TRAF3: variants seen among roughly 807,000 people sequenced by gnomAD.
TRAF3 encodes the protein TNF receptor associated factor 3, also known as TNF receptor-associated factor 3.
In TRAF3, 13 loss-of-function variants were observed where a neutral mutation model predicts 62.3. The observed-to-expected ratio is 0.21, with a 90% CI of 0.14 to 0.33. The LOEUF is 0.33. Ranked by LOEUF, TRAF3 falls within the 10% of genes least tolerant of loss-of-function variation. The probability of loss-of-function intolerance (pLI) is 1.00; values close to 1 mark genes in which losing one functional copy is unlikely to be tolerated. For synonymous variants in TRAF3, 269 were observed against 283.4 expected, an observed-to-expected ratio of 0.95 and a Z score of 0.51; for missense variants, 440 against 741.8, an observed-to-expected ratio of 0.59 and a Z score of 4.73.
At position 102,907,995 on chromosome 14, in the gene TRAF3, G is replaced by A. The variant is rs967719045; in HGVS notation, c.*2211G>A. ...AGGCCTGTCCCCTACCTGCCCTCAG[G>A]TAGTTTTCCTGAGGCCAGGGGTTAA... On this transcript the variant is annotated 3_prime_UTR_variant, in exon 12 of 12. Transcript: ENST00000392745. 13 of 152,380 alleles carry A rather than the reference G, an allele frequency of 8.5e-5. No individual in the cohort carries two copies. Among genetic ancestry groups the A allele is most frequent in the Middle Eastern group, 3.4e-3 (1 of 294 alleles). 9.4% of individuals were successfully genotyped at this position (152,380 alleles called of 1,614,324 possible).
intron 6 of TRAF3, among the ~76,000 whole-genome samples, chr14:102,878,540 G>T (rs775766629): frequency 6.6e-6 from 1 of 152,142 alleles, no homozygotes; most frequent in Non-Finnish European, 1.5e-5. Flanking sequence ...CCTACTGTGC[G>T]CCGGGCAGTA....
intron 2 of TRAF3, among the ~76,000 whole-genome samples, chr14:102,866,784 G>A (rs139228291): frequency 6.6e-6 from 1 of 151,520 alleles, no homozygotes; most frequent in East Asian, 1.9e-4. Flanking sequence ...GGTCGAGGCT[G>A]CAGTGAGCCA....
chr14:102,856,994 C>CA (rs1887410992), intron 2 of TRAF3, among the ~76,000 whole-genome samples: 1 of 152,180 alleles, frequency 6.6e-6, no homozygotes, highest in South Asian at 2.1e-4. Context: ...TGCATTCCTA[C>CA]ACAAAGAGTA....
At chr14:102,874,538 G>A (rs568229903) in intron 4 of TRAF3, among the ~76,000 whole-genome samples, 1 of 151,814 alleles carries the variant, frequency 6.6e-6, no homozygotes, top group African/African-American at 2.4e-5. Context: ...GGATTACAGA[G>A]GTGAGTCACT....
Position 102,891,333 on chromosome 14 carries a change from C to A in TRAF3, c.735C>A (p.Asn245Lys), listed in dbSNP as rs753624346. The change falls in exon 9 of 12, where the codon AAC becomes AAA. Residue 245 changes from asparagine to lysine, a missense_variant. Physicochemically the swap from Asn to Lys is moderately conservative, Grantham distance 94. Transcript: ENST00000392745. The part of the protein sequence containing the change: ...KRYGCVFQGT[N>K]QQIKAHEASS... Reference sequence around the variant, plus strand: ...CATGTTTGCTCTCGCAGGGGACAAACCAGCAGATCAAGGCCCACGAGGCCA... The same window carrying A: ...CATGTTTGCTCTCGCAGGGGACAAAACAGCAGATCAAGGCCCACGAGGCCA... The A allele has an allele frequency of 6.2e-6, 10 of 1,613,012 alleles. No individual in the cohort carries two copies. Among genetic ancestry groups the A allele is most frequent in the Non-Finnish European group, 7.6e-6 (9 of 1,179,842 alleles).
rs1342455923 is a variant in TRAF3 at position 102,909,376 on chromosome 14, C to T, written c.*3592C>T. ...GCCCTTATGACCCACATTGCAGCCC[C>T]ATTCCACCACCCCTTCCTCCCCAGA... On this transcript the variant is annotated 3_prime_UTR_variant, in exon 12 of 12. Transcript: ENST00000392745. The T allele has an allele frequency of 6.6e-6, 1 of 152,394 alleles. No homozygotes were observed. Among genetic ancestry groups the T allele is most frequent in the African/African-American group, 2.4e-5 (1 of 41,462 alleles). The allele number at this position is 152,394 out of a possible 1,614,324, so 9.4% of individuals were successfully genotyped here.
intron 9 of TRAF3, among the ~76,000 whole-genome samples, chr14:102,893,855 C>T (rs556970357): frequency 5.0e-4 from 76 of 152,138 alleles, no homozygotes; most frequent in Non-Finnish European, 1.0e-3. Flanking sequence ...ATTGTGCTCA[C>T]GAGAAGGTGT....
intron 1 of TRAF3, among the ~76,000 whole-genome samples, chr14:102,784,372 G>A (rs938065896): frequency 6.6e-6 from 1 of 151,934 alleles, no homozygotes; most frequent in South Asian, 2.1e-4. Flanking sequence ...ACAGGCACCC[G>A]CCACCTCGCC....
At chr14:102,778,085 C>G (rs1452491794) in intron 1 of TRAF3, among the ~76,000 whole-genome samples, 1 of 150,320 alleles carries the variant, frequency 6.7e-6, no homozygotes, top group African/African-American at 2.4e-5. Context: ...GGCTGCGTGG[C>G]CGAGCGCGCT....
At chr14:102,833,575 A>G (rs968973877) in intron 2 of TRAF3, among the ~76,000 whole-genome samples, 26 of 152,220 alleles carry the variant, frequency 1.7e-4, no homozygotes, top group African/African-American at 5.1e-4. Context: ...AGAATGAGGT[A>G]GTTTGGAAAC....
intron 1 of TRAF3, among the ~76,000 whole-genome samples, chr14:102,820,592 A>T (rs1899853562): frequency 1.9e-4 from 1 of 5,350 alleles, no homozygotes; most frequent in African/African-American, 9.6e-4. Context: ...ATATATATAT[A>T]TATATATATA....
intron 1 of TRAF3, among the ~76,000 whole-genome samples, chr14:102,786,270 A>T (rs1052354005): frequency 6.6e-6 from 1 of 152,214 alleles, no homozygotes. Flanking sequence ...CTGGAGATGG[A>T]TGGTGGTGAT....
At chr14:102,843,142 G>A (rs1255833729) in intron 2 of TRAF3, among the ~76,000 whole-genome samples, 1 of 151,508 alleles carries the variant, frequency 6.6e-6, no homozygotes, top group Non-Finnish European at 1.5e-5. Context: ...GGCAGAGGTT[G>A]CAGTGAGCCG....
At chr14:102,819,153 C>G (rs1020808073) in intron 1 of TRAF3, among the ~76,000 whole-genome samples, 1 of 152,130 alleles carries the variant, frequency 6.6e-6, no homozygotes, top group African/African-American at 2.4e-5. Context: ...CCCCAAGACC[C>G]CCTCCCCTGC....
intron 1 of TRAF3, among the ~76,000 whole-genome samples, chr14:102,819,997 A>G (rs763592277): frequency 3.3e-5 from 5 of 152,240 alleles, no homozygotes; most frequent in African/African-American, 4.8e-5. Flanking sequence ...GTGCTGAAAT[A>G]CAAAGGAAGA....
chr14:102,873,461 T>G (rs1163460943), intron 4 of TRAF3, among the ~76,000 whole-genome samples: 1 of 152,250 alleles, frequency 6.6e-6, no homozygotes, highest in Non-Finnish European at 1.5e-5. Flanking sequence ...GATGTTTTTT[T>G]AGTATCTCTG....
intron 2 of TRAF3, among the ~76,000 whole-genome samples, chr14:102,853,878 A>G (rs956266650): frequency 1.3e-5 from 2 of 151,476 alleles, no homozygotes; most frequent in Admixed American, 6.6e-5. Context: ...CATCACTACT[A>G]TCTAATTTCA....
At chr14:102,850,743 C>T (rs1199582028) in intron 2 of TRAF3, among the ~76,000 whole-genome samples, 1 of 150,056 alleles carries the variant, frequency 6.7e-6, no homozygotes, top group Admixed American at 6.7e-5. Context: ...AGATGCTGCG[C>T]TCCTGGTAGT....
chr14:102,851,111 A>G (rs1002550889), intron 2 of TRAF3, among the ~76,000 whole-genome samples: 1 of 152,216 alleles, frequency 6.6e-6, no homozygotes, highest in Non-Finnish European at 1.5e-5. Context: ...TGCCTCAAAT[A>G]CCATCTTTAA....
Sources: allele counts gnomAD v4.1 joint callset (sites outside exome capture counted in the v4.1 genomes callset), GRCh38; gene constraint gnomAD v4.1.1; transcripts MANE v1.5; gene names NCBI Gene and HGNC (gene_info 2026-07-23, HGNC 2026-07-21).